BCR: variants seen among roughly 807,000 people sequenced by gnomAD.
BCR encodes the protein breakpoint cluster region protein.
Under a neutral mutation model 138.6 loss-of-function variants are expected in BCR, and 58 were observed. The ratio of observed to expected loss-of-function variants is 0.42; its 90% CI spans 0.34 to 0.52. The LOEUF (loss-of-function observed/expected upper bound fraction) is 0.52. Among genes scored for constraint, BCR ranks in the 20% least tolerant of loss-of-function variants. BCR has a pLI of 0.06. For synonymous variants in BCR, 786 were observed against 730.1 expected (o/e 1.08, Z -1.23); for missense variants, 1,599 against 1,727.2 (o/e 0.93, Z 1.32).
chr22:23,298,260 C>T (rs1174161150), intron 16 of BCR, among the ~76,000 whole-genome samples: 2 of 152,110 alleles, frequency 1.3e-5, no homozygotes, highest in Non-Finnish European at 2.9e-5. Flanking sequence ...CCAAAGTGAT[C>T]GATCTCCCCC....
intron 1 of BCR, among the ~76,000 whole-genome samples, chr22:23,214,810 A>G (rs1316359211): frequency 6.6e-6 from 1 of 152,180 alleles, no homozygotes; most frequent in African/African-American, 2.4e-5. Context: ...TTTTTAAATT[A>G]TGATGAACTA....
chr22:23,268,222 G>C (rs1014886180), intron 4 of BCR, among the ~76,000 whole-genome samples, 186 bp from the exon 5 acceptor site: 4 of 152,238 alleles, frequency 2.6e-5, no homozygotes, highest in African/African-American at 9.6e-5. Context: ...GGAGCGGGAA[G>C]TGTGCTGGGT....
In BCR at chr22:23,273,553, C is replaced by T. The variant is rs919145486; in HGVS notation, c.1975-81C>T. The T allele has an allele frequency of 3.1e-6, 5 of 1,587,538 alleles. No homozygotes were observed. The Admixed American group carries it at 6.7e-5, about 21-fold the overall frequency. On this transcript the variant is annotated intron_variant, in intron 7 of 22. Coordinates refer to ENST00000305877, the MANE Select transcript of BCR (RefSeq NM_004327.4). ...GAGCCGGCGCTCTGGGCTCCGTCCA[C>T]ACTTTGTGTCTGCACTTTGCACACA...
chr22:23,201,746 C>T (rs185970675), intron 1 of BCR, among the ~76,000 whole-genome samples: 46 of 152,260 alleles, frequency 3.0e-4, no homozygotes, highest in African/African-American at 1.0e-3. Flanking sequence ...TGAGCCACCG[C>T]GCCCGGCCAA....
chr22:23,238,819 C>T (rs540976042), intron 1 of BCR, among the ~76,000 whole-genome samples: 222 of 150,658 alleles, frequency 1.5e-3, no homozygotes, highest in Admixed American at 3.0e-3. Context: ...CCTCCAGGGC[C>T]GGTGGGAACA....
At chr22:23,264,288 C>A in intron 4 of BCR, 1 of 922,200 alleles carries the variant, frequency 1.1e-6, no homozygotes, top group Non-Finnish European at 1.8e-6. Context: ...GTACTGCCTG[C>A]ATCTCACCAC....
chr22:23,288,622 C>G (rs1418322273), intron 12 of BCR, among the ~76,000 whole-genome samples: 1 of 152,168 alleles, frequency 6.6e-6, no homozygotes, highest in Non-Finnish European at 1.5e-5. Context: ...CTTCCCTGCC[C>G]CAGCAGGTGC....
intron 1 of BCR, among the ~76,000 whole-genome samples, chr22:23,186,021 C>CAA (rs2072338802): frequency 4.6e-5 from 7 of 151,782 alleles, no homozygotes; most frequent in African/African-American, 1.7e-4. Context: ...GAGCCACCCG[C>CAA]GCAAGGCGGA....
intron 4 of BCR, among the ~76,000 whole-genome samples, chr22:23,267,831 C>CCGGT (rs1419862382): frequency 1.3e-5 from 2 of 152,236 alleles, no homozygotes; most frequent in African/African-American, 2.4e-5. Context: ...CGCCTTACAG[C>CCGGT]CGGTCGGTCT....
At chr22:23,259,741 G>C (rs1026928244) in intron 2 of BCR, among the ~76,000 whole-genome samples, 2 of 151,986 alleles carry the variant, frequency 1.3e-5, no homozygotes, top group Non-Finnish European at 2.9e-5. Context: ...TGGTGATCTC[G>C]AACTCCTGGC....
At chr22:23,245,464 T>C (rs1415296509) in intron 1 of BCR, among the ~76,000 whole-genome samples, 1 of 151,964 alleles carries the variant, frequency 6.6e-6, no homozygotes, top group African/African-American at 2.4e-5. Flanking sequence ...GATCCTGGGG[T>C]GCTCTCTGTG....
chr22:23,221,589 T>G (rs2146232425), intron 1 of BCR, among the ~76,000 whole-genome samples: 1 of 152,354 alleles, frequency 6.6e-6, no homozygotes. Context: ...ACGAGGATGC[T>G]CACACTGCTC....
intron 16 of BCR, among the ~76,000 whole-genome samples, chr22:23,295,614 T>G (rs2073836797): frequency 6.6e-6 from 1 of 152,094 alleles, no homozygotes; most frequent in Non-Finnish European, 1.5e-5. Context: ...TTCTAGGGTA[T>G]AGAGCTGTAT....
chr22:23,283,468 C>T (rs11912682), intron 8 of BCR: 35,863 of 155,216 alleles, frequency 0.23, 4,535 homozygotes, highest in African/African-American at 0.29. Context: ...ATCTGTACCT[C>T]GGGCACCAAT....
chr22:23,241,959 G>A (rs957350930), intron 1 of BCR, among the ~76,000 whole-genome samples: 3 of 152,112 alleles, frequency 2.0e-5, no homozygotes, highest in Non-Finnish European at 4.4e-5. Flanking sequence ...CTGCCAGCCT[G>A]TATCCCCTTT....
chr22:23,277,232 G>C (rs1176205099), intron 8 of BCR, among the ~76,000 whole-genome samples: 1 of 152,248 alleles, frequency 6.6e-6, no homozygotes, highest in African/African-American at 2.4e-5. Flanking sequence ...TGACAGTTCT[G>C]TGGGGTCAGA....
intron 1 of BCR, among the ~76,000 whole-genome samples, chr22:23,219,812 A>G (rs2072801870): frequency 6.6e-6 from 1 of 152,014 alleles, no homozygotes; most frequent in African/African-American, 2.4e-5. Context: ...AGTCACCACT[A>G]TTATCCCACC....
At chr22:23,230,876 G>A (rs896949867) in intron 1 of BCR, among the ~76,000 whole-genome samples, 2 of 152,132 alleles carry the variant, frequency 1.3e-5, no homozygotes, top group African/African-American at 2.4e-5. Context: ...CCCATCCCAC[G>A]CAGTTGTTTT....
intron 8 of BCR, among the ~76,000 whole-genome samples, chr22:23,275,550 C>G (rs906353964): frequency 6.6e-6 from 1 of 152,234 alleles, no homozygotes; most frequent in African/African-American, 2.4e-5. Flanking sequence ...GCTGCTCATC[C>G]CATGGCTGGG....
Sources: allele counts gnomAD v4.1 joint callset (sites outside exome capture counted in the v4.1 genomes callset), GRCh38; gene constraint gnomAD v4.1.1; transcripts MANE v1.5; gene names NCBI Gene and HGNC (gene_info 2026-07-23, HGNC 2026-07-21).